WDR49: variants seen among roughly 807,000 people sequenced by gnomAD.
WDR49 encodes cilia- and flagella-associated protein 337.
In WDR49, 107 loss-of-function variants were observed where a neutral mutation model predicts 119.5. The observed-to-expected ratio is 0.90, with a 90% CI of 0.77 to 1.05. The LOEUF (loss-of-function observed/expected upper bound fraction) is 1.05. WDR49 is among the 50% of genes least tolerant of loss of function. The pLI is 0.00. For synonymous variants in WDR49, 425 were observed against 418.8 expected, an observed-to-expected ratio of 1.01 and a Z score of -0.18; for missense variants, 1,240 against 1,220.5, an observed-to-expected ratio of 1.02 and a Z score of -0.24.
chr3:167,646,125 T>C (rs1401604993), intron 2 of WDR49, among the ~76,000 whole-genome samples: 2 of 152,076 alleles, frequency 1.3e-5, no homozygotes, highest in Non-Finnish European at 2.9e-5. Context: ...CTTTGGGTAA[T>C]GGCCCAGGTC....
At chr3:167,481,991 G>A (rs1750732264) in intron 18 of WDR49, among the ~76,000 whole-genome samples, 1 of 152,012 alleles carries the variant, frequency 6.6e-6, no homozygotes, top group Non-Finnish European at 1.5e-5. Context: ...ATTTAATAAA[G>A]GTCCTCAAAT....
At chr3:167,557,858 A>C (rs1713035949) in intron 9 of WDR49, among the ~76,000 whole-genome samples, 1 of 152,208 alleles carries the variant, frequency 6.6e-6, no homozygotes, top group Non-Finnish European at 1.5e-5. Context: ...GCATGGAATA[A>C]ATGTTAGCTA....
rs189971918 is a variant in WDR49 at position 167,549,546 on chromosome 3, T to A, written c.1823+5104A>T. Among the ~76,000 whole-genome samples, 385 of 152,190 alleles carry A rather than the reference T, an allele frequency of 2.5e-3. 2 individuals are homozygous for A. Among genetic ancestry groups the A allele is most frequent in the African/African-American group, 8.9e-3 (369 of 41,542 alleles). On this transcript the variant is annotated intron_variant, in intron 10 of 18. Coordinates refer to ENST00000682715, the MANE Select transcript of WDR49 (RefSeq NM_001366157.1). ...CCCGCTTTTTCCTGGGGTTATTTGATTTTTTCTTGTAAATTTGTTTAAGTT... is the reference window on the plus strand; with the variant it reads ...CCCGCTTTTTCCTGGGGTTATTTGAATTTTTCTTGTAAATTTGTTTAAGTT...
At chr3:167,554,237 A>T (rs1218074365) in intron 10 of WDR49, among the ~76,000 whole-genome samples, 1 of 152,102 alleles carries the variant, frequency 6.6e-6, no homozygotes, top group Non-Finnish European at 1.5e-5. Flanking sequence ...AGAAAGGAGG[A>T]GCTATCACAG....
At position 167,616,696 on chromosome 3, in the gene WDR49, A is replaced by G. The variant is rs564624213; in HGVS notation, c.958+3733T>C. Among the ~76,000 whole-genome samples, 18 of 152,332 alleles carry G rather than the reference A, an allele frequency of 1.2e-4. 1 individual carries two copies. The highest frequency in any genetic ancestry group is 4.1e-4 in the African/African-American group (17 of 41,582). On this transcript the variant is annotated intron_variant, in intron 5 of 18. Coordinates refer to ENST00000682715, the MANE Select transcript of WDR49 (RefSeq NM_001366157.1). ...AACAATAGAAAAATTTCCAAGTTTA[A>G]TGAAAACTACAGATCCACAAATCCA...
chr3:167,526,234 C>CA (rs1752623903), intron 15 of WDR49, among the ~76,000 whole-genome samples: 1 of 152,038 alleles, frequency 6.6e-6, no homozygotes, highest in Non-Finnish European at 1.5e-5. Context: ...ATCAATAATA[C>CA]AAAAATAAGC....
At chr3:167,534,405 A>G (rs770308597) in intron 11 of WDR49, among the ~76,000 whole-genome samples, 4 of 152,276 alleles carry the variant, frequency 2.6e-5, no homozygotes, top group Non-Finnish European at 5.9e-5. Flanking sequence ...TACTTTCACA[A>G]TAACAACCAC....
intron 15 of WDR49, among the ~76,000 whole-genome samples, chr3:167,527,248 G>C (rs1345226326): frequency 6.6e-6 from 1 of 152,072 alleles, no homozygotes; most frequent in Non-Finnish European, 1.5e-5. Context: ...TGTAAAATGG[G>C]AATTGTGAGA....
At chr3:167,655,925 CTA>C (rs1182593813), upstream of WDR49, among the ~76,000 whole-genome samples, 470 of 151,384 alleles carry the variant, frequency 3.1e-3, 3 homozygotes, top group Non-Finnish European at 5.0e-3. Context: ...CTCTCTCTCT[CTA>C]TATATATATA....
In WDR49 at chr3:167,554,702, G is replaced by A. The variant is rs751170303; in HGVS notation, c.1771C>T (p.Leu591=). The change falls in exon 10 of 19, where the codon CTG becomes TTG. Residue 591 remains leucine (L), a synonymous_variant. Transcript: ENST00000682715. ...SQILILKKKI[L]VTGWERYDYA... is the part of the protein sequence containing the mutation. ...TCATACCTCTCCCAGCCTGTAACCA[G>A]TATTTTCTTCTTAAGAATGAGGATT... 1.2e-6 allele frequency: 2 copies of A among 1,612,636 alleles called. No individual in the cohort carries two copies. Among genetic ancestry groups the A allele is most frequent in the Non-Finnish European group, 8.5e-7 (1 of 1,179,146 alleles).
chr3:167,540,308 C>T (rs922338902), intron 10 of WDR49, among the ~76,000 whole-genome samples: 2 of 152,168 alleles, frequency 1.3e-5, no homozygotes, highest in African/African-American at 4.8e-5. Flanking sequence ...ACACCTCCAC[C>T]AGAGCAGGTG....
chr3:167,505,767 G>A (rs543827114), intron 16 of WDR49, among the ~76,000 whole-genome samples: 14 of 152,112 alleles, frequency 9.2e-5, no homozygotes, highest in African/African-American at 2.9e-4. Context: ...TGAGAAGTAA[G>A]CATCAATCCT....
intron 2 of WDR49, among the ~76,000 whole-genome samples, chr3:167,646,919 T>G (rs1422704446): frequency 6.6e-6 from 1 of 152,040 alleles, no homozygotes; most frequent in Non-Finnish European, 1.5e-5. Context: ...CTTGCACAAG[T>G]ATGAGGTAGA....
At chr3:167,652,007 C>T (rs1718406486) in intron 2 of WDR49, among the ~76,000 whole-genome samples, 1 of 152,136 alleles carries the variant, frequency 6.6e-6, no homozygotes, top group Non-Finnish European at 1.5e-5. Flanking sequence ...TCATAATCTG[C>T]TGTTATGTTT....
chr3:167,547,428 G>A (rs1712274160), intron 10 of WDR49, among the ~76,000 whole-genome samples: 2 of 151,658 alleles, frequency 1.3e-5, no homozygotes, highest in Admixed American at 1.3e-4. Flanking sequence ...TCTTTTATGT[G>A]ATAAATGGCA....
intron 3 of WDR49, among the ~76,000 whole-genome samples, chr3:167,623,800 T>G (rs1716979826): frequency 6.6e-6 from 1 of 152,000 alleles, no homozygotes; most frequent in Admixed American, 6.6e-5. Context: ...TGATATTATA[T>G]ATAGGAAATT....
At chr3:167,542,034 G>C (rs187292855) in intron 10 of WDR49, among the ~76,000 whole-genome samples, 288 of 151,348 alleles carry the variant, frequency 1.9e-3, no homozygotes, top group Non-Finnish European at 3.0e-3. Context: ...AAAAAAAAAA[G>C]ACAAACAAGA....
At chr3:167,597,047 G>C (rs1715504080) in intron 7 of WDR49, among the ~76,000 whole-genome samples, 1 of 151,844 alleles carries the variant, frequency 6.6e-6, no homozygotes, top group Admixed American at 6.6e-5. Flanking sequence ...AATGTTAATA[G>C]CCAAGACAAT....
intron 5 of WDR49, among the ~76,000 whole-genome samples, chr3:167,609,202 A>G (rs1328828426): frequency 2.0e-5 from 3 of 152,196 alleles, no homozygotes; most frequent in Admixed American, 6.5e-5. Flanking sequence ...CAATCTACAC[A>G]GAAAAAAACA....
Sources: allele counts gnomAD v4.1 joint callset (sites outside exome capture counted in the v4.1 genomes callset), GRCh38; gene constraint gnomAD v4.1.1; transcripts MANE v1.5; gene names NCBI Gene and HGNC (gene_info 2026-07-23, HGNC 2026-07-21).